Variants in CSAD observed in about 807,000 individuals in gnomAD.
The protein encoded by CSAD is cysteine sulfinic acid decarboxylase.
Under a neutral mutation model 61.5 loss-of-function variants are expected in CSAD, and 47 were observed. That is an observed-to-expected ratio of 0.76 (90% confidence interval 0.60 to 0.97). The LOEUF (loss-of-function observed/expected upper bound fraction) is 0.97, where lower values mean the gene tolerates loss of function less well. Ranked by LOEUF, CSAD falls within the 50% of genes least tolerant of loss-of-function variation. CSAD has a pLI of 0.00. For synonymous variants in CSAD, 245 were observed against 252.7 expected (o/e 0.97, Z 0.29); for missense variants, 611 against 643.6 (o/e 0.95, Z 0.55).
upstream of CSAD, chr12:53,181,058 G>T: frequency 1.1e-6 from 1 of 905,604 alleles, no homozygotes; most frequent in African/African-American, 1.8e-5. Context: ...GAGGGCTCTC[G>T]GAGGGGACGC....
intron 9 of CSAD, 143 bp downstream of exon 9, chr12:53,170,280 G>A (rs1379592775): frequency 1.0e-6 from 1 of 986,240 alleles, no homozygotes; most frequent in East Asian, 2.5e-5. Context: ...GGCAGGCTCT[G>A]GTAGACAGGA....
chr12:53,181,180 C>T (rs1407095202), upstream of CSAD: 7 of 985,380 alleles, frequency 7.1e-6, no homozygotes, highest in Admixed American at 1.2e-4. Flanking sequence ...CACGCCGCGC[C>T]GGGCTTCGCC....
chr12:53,169,798 G>A (rs1940339635), intron 10 of CSAD, among the ~76,000 whole-genome samples: 1 of 151,888 alleles, frequency 6.6e-6, no homozygotes, highest in Admixed American at 6.6e-5. Flanking sequence ...CCACACTACA[G>A]CGCAGGCCCC....
At position 53,172,666 on chromosome 12, in the gene CSAD, G is replaced by C; in HGVS notation, c.127-18C>G. On this transcript the variant is annotated intron_variant, in intron 4 of 16. Transcript: ENST00000444623. Reference sequence around the variant, plus strand: ...TCACAGACCTAGGAAGAGAGCCGGGGATGCTGGGGGCCTGGGATGCCTGTG... The same window carrying C: ...TCACAGACCTAGGAAGAGAGCCGGGCATGCTGGGGGCCTGGGATGCCTGTG... 1.3e-6 allele frequency: 2 copies of C among 1,597,344 alleles called. No individual in the cohort carries two copies. Among genetic ancestry groups the C allele is most frequent in the Non-Finnish European group, 1.7e-6 (2 of 1,174,202 alleles).
At chr12:53,159,263 C>T (rs1349898170) in intron 16 of CSAD, among the ~76,000 whole-genome samples, 2 of 152,198 alleles carry the variant, frequency 1.3e-5, no homozygotes, top group African/African-American at 4.8e-5. Context: ...CCAGATGGCA[C>T]TTCTAGACTG....
At chr12:53,172,081 TG>T (rs1431906867) in intron 6 of CSAD, 93 bp from the exon 7 acceptor site, 7 of 888,872 alleles carry the variant, frequency 7.9e-6, no homozygotes, top group Admixed American at 6.7e-5. Context: ...AAGGAGGCAG[TG>T]AAGAGTGAGC....
At chr12:53,179,641 G>C in intron 1 of CSAD, 1 of 735,006 alleles carries the variant, frequency 1.4e-6, no homozygotes, top group Non-Finnish European at 2.3e-6. Flanking sequence ...CCAAATCATG[G>C]AGTGGCTCAG....
At chr12:53,172,875 T>C (rs1391585677) in intron 4 of CSAD, among the ~76,000 whole-genome samples, 1 of 152,116 alleles carries the variant, frequency 6.6e-6, no homozygotes, top group Non-Finnish European at 1.5e-5. Context: ...AGAAATCTTA[T>C]CAAAGGAGGA....
chr12:53,168,384 G>A (rs1338814920), intron 10 of CSAD, among the ~76,000 whole-genome samples: 1 of 152,134 alleles, frequency 6.6e-6, no homozygotes, highest in Non-Finnish European at 1.5e-5. Context: ...TATATGTTAT[G>A]TGAATTATAT....
chr12:53,162,538 A>T (rs1939406617), intron 10 of CSAD, among the ~76,000 whole-genome samples: 1 of 152,220 alleles, frequency 6.6e-6, no homozygotes, highest in Non-Finnish European at 1.5e-5. Flanking sequence ...ACTGCACTCC[A>T]GTCTGGGTGA....
At position 53,161,177 on chromosome 12, in the gene CSAD, C is replaced by T. The variant is rs1346891113; in HGVS notation, c.834G>A (p.Gly278=). 1 of 1,614,170 alleles carries T rather than the reference C, an allele frequency of 6.2e-7. No individual in the cohort carries two copies. The highest frequency in any genetic ancestry group is 1.1e-5 in the South Asian group (1 of 91,084). Residue 278 remains glycine (G), a synonymous_variant, in exon 12 of 17, where the codon GGG becomes GGA. Transcript: ENST00000444623. ...LWLHVDAAWG[G]SVLLSQTHRH... Reference sequence around the variant, plus strand: ...TGTGTGTCTGTGACAGCAGGACGCTCCCACCCCAGGCAGCCTGTGGAGCAG... The same window carrying T: ...TGTGTGTCTGTGACAGCAGGACGCTTCCACCCCAGGCAGCCTGTGGAGCAG...
At chr12:53,180,515 G>A (rs1052661049) in intron 1 of CSAD, 57 of 1,268,232 alleles carry the variant, frequency 4.5e-5, no homozygotes, top group Non-Finnish European at 5.0e-5. Context: ...CGCACGCGCC[G>A]GCCTCAGCGC....
chr12:53,159,512 G>A, intron 16 of CSAD, 111 bp downstream of exon 16: 1 of 847,302 alleles, frequency 1.2e-6, no homozygotes, highest in South Asian at 1.6e-5. Context: ...ACGCCTCAGA[G>A]CAAGAGACCA....
At chr12:53,165,010 G>C (rs1939729742) in intron 10 of CSAD, among the ~76,000 whole-genome samples, 1 of 152,146 alleles carries the variant, frequency 6.6e-6, no homozygotes, top group South Asian at 2.1e-4. Flanking sequence ...CACCTATTAG[G>C]ATAACTACTA....
At chr12:53,160,648 T>A (rs1939171110) in intron 13 of CSAD, 115 bp downstream of exon 13, 1 of 931,060 alleles carries the variant, frequency 1.1e-6, no homozygotes, top group Admixed American at 2.2e-5. Context: ...GAGATGCAGC[T>A]TCAGAAGGGA....
chr12:53,180,491 CGCCCCG>C (rs1941499935), intron 1 of CSAD: 3 of 1,227,594 alleles, frequency 2.4e-6, no homozygotes, highest in East Asian at 6.7e-5. Flanking sequence ...GGCCGGGGCG[CGCCCCG>C]GCCACGGCGC....
At chr12:53,170,955 A>G in intron 8 of CSAD, 1 of 411,926 alleles carries the variant, frequency 2.4e-6, no homozygotes. Flanking sequence ...TCCTGAGCTC[A>G]GGCAATCCAC....
chr12:53,173,354 G>A lies in CSAD; in HGVS notation c.117C>T (p.Val39=), dbSNP rs1299496979. 6.2e-7 allele frequency: 1 copy of A among 1,614,038 alleles called. No individual in the cohort carries two copies. Among genetic ancestry groups the A allele is most frequent in the Non-Finnish European group, 8.5e-7 (1 of 1,179,960 alleles). The change falls in exon 4 of 17, where the codon GTC becomes GTT. Residue 39 remains valine, a synonymous_variant. Transcript: ENST00000444623. The part of the protein sequence containing the change: ...VDEAIQKGTS[V]SQKVCEWKEP... ...GGAAGAAAGGACTCACCTTCTGGGAGACACTGGTTCCTTTCTGAATGGCCT... is the reference window on the plus strand; with the variant it reads ...GGAAGAAAGGACTCACCTTCTGGGAAACACTGGTTCCTTTCTGAATGGCCT...
intron 2 of CSAD, 138 bp from the exon 3 acceptor site, chr12:53,173,908 A>G (rs1940889433): frequency 1.2e-6 from 1 of 812,292 alleles, no homozygotes; most frequent in African/African-American, 1.7e-5. Context: ...CCAAAAAAAA[A>G]CCTCAGTAGC....
Sources: allele counts gnomAD v4.1 joint callset (sites outside exome capture counted in the v4.1 genomes callset), GRCh38; gene constraint gnomAD v4.1.1; transcripts MANE v1.5; gene names NCBI Gene and HGNC (gene_info 2026-07-23, HGNC 2026-07-21).